Variants in ARMC9 observed in about 807,000 individuals in gnomAD.
The protein encoded by ARMC9 is lisH domain-containing protein ARMC9.
ARMC9 carries 94 observed loss-of-function variants against 107.0 expected under a neutral mutation model. The ratio of observed to expected loss-of-function variants is 0.88; its 90% CI spans 0.74 to 1.04. ARMC9 has a LOEUF of 1.04. Among genes scored for constraint, ARMC9 ranks in the 50% least tolerant of loss-of-function variants. The pLI is 0.00. For missense variants in ARMC9, 942 were observed against 1,030.1 expected, an observed-to-expected ratio of 0.91 and a Z score of 1.17; for synonymous variants, 380 against 396.9, an observed-to-expected ratio of 0.96 and a Z score of 0.51.
At chr2:231,321,180 G>C (rs568534618) in intron 19 of ARMC9, among the ~76,000 whole-genome samples, 1 of 152,266 alleles carries the variant, frequency 6.6e-6, no homozygotes, top group Non-Finnish European at 1.5e-5. Flanking sequence ...CCTGTCAGCT[G>C]TTTTTAACGC....
At chr2:231,217,796 T>C (rs1366679055) in intron 5 of ARMC9, among the ~76,000 whole-genome samples, 2 of 152,134 alleles carry the variant, frequency 1.3e-5, no homozygotes, top group African/African-American at 4.8e-5. Context: ...GTTGAAGCGA[T>C]TCTCTTGCCT....
In ARMC9 at chr2:231,256,567, T is replaced by G; in HGVS notation, c.880-19T>G. On this transcript the variant is annotated intron_variant, in intron 9 of 24. Transcript: ENST00000611582. ...CAGTGTTTAACACCATCTGTTTTCTTCTGTCCTCTTCCCCCCAGGCATCCA... is the reference window on the plus strand; with the variant it reads ...CAGTGTTTAACACCATCTGTTTTCTGCTGTCCTCTTCCCCCCAGGCATCCA... 1 of 1,613,696 alleles carries G rather than the reference T, an allele frequency of 6.2e-7. No homozygotes were observed. The highest frequency in any genetic ancestry group is 8.5e-7 in the Non-Finnish European group (1 of 1,179,642).
chr2:231,314,066 CTTTTTTT>C (rs1302812868), intron 19 of ARMC9, among the ~76,000 whole-genome samples: 73 of 131,526 alleles, frequency 5.6e-4, no homozygotes, highest in African/African-American at 2.0e-3. Flanking sequence ...GCCATCTTTT[CTTTTTTT>C]TTTTTTTTTT....
At position 231,226,796 on chromosome 2, in the gene ARMC9, A is replaced by C; in HGVS notation, c.620A>C (p.Lys207Thr). 2.5e-6 allele frequency: 4 copies of C among 1,613,626 alleles called. No individual in the cohort carries two copies. Among genetic ancestry groups the C allele is most frequent in the Non-Finnish European group, 3.4e-6 (4 of 1,179,526 alleles). ...TIYKENGQSN[K>T]EILQQLHQQL... ...CAGAAGGAGAATGGACAAAGTAACA[A>C]AGGTAAATCATCTAGATTTAAATTT... is the stretch of plus-strand genomic sequence containing the variant. Residue 207 changes from lysine to threonine, a missense_variant and splice_region_variant, in exon 7 of 25, where the codon AAA becomes ACA. Coordinates refer to ENST00000611582, the MANE Select transcript of ARMC9 (RefSeq NM_001352754.2).
intron 23 of ARMC9, among the ~76,000 whole-genome samples, chr2:231,361,101 C>T (rs746203742): frequency 5.2e-4 from 79 of 152,206 alleles, no homozygotes; most frequent in Non-Finnish European, 1.0e-3. Flanking sequence ...ATCAGTCAGA[C>T]GGGAAGGACA....
intron 22 of ARMC9, among the ~76,000 whole-genome samples, chr2:231,359,726 C>T (rs1223417206): frequency 6.6e-6 from 1 of 152,234 alleles, no homozygotes; most frequent in East Asian, 1.9e-4. Context: ...TCTAAGCACA[C>T]TGAGCATGTG....
chr2:231,214,808 G>A (rs1574615038), intron 3 of ARMC9, 23 bp from the exon 4 acceptor site: 2 of 1,609,796 alleles, frequency 1.2e-6, no homozygotes, highest in African/African-American at 1.3e-5. Flanking sequence ...AACGAGGTAT[G>A]TAGTCTGATG....
chr2:231,239,444 C>T (rs1401360297), intron 8 of ARMC9, among the ~76,000 whole-genome samples: 1 of 152,178 alleles, frequency 6.6e-6, no homozygotes, highest in Non-Finnish European at 1.5e-5. Flanking sequence ...AGCCACCTGT[C>T]ATGTGCTAGG....
At chr2:231,342,913 G>C (rs892387098) in intron 20 of ARMC9, among the ~76,000 whole-genome samples, 8 of 151,790 alleles carry the variant, frequency 5.3e-5, no homozygotes, top group African/African-American at 1.9e-4. Flanking sequence ...AGTCAGGGCA[G>C]GGTTTTTTTG....
At chr2:231,338,498 A>T (rs985657557) in intron 20 of ARMC9, among the ~76,000 whole-genome samples, 1 of 142,196 alleles carries the variant, frequency 7.0e-6, no homozygotes, top group Admixed American at 7.0e-5. Context: ...AAGTGTTGGG[A>T]TTACAGGCAT....
At chr2:231,301,551 T>C (rs1044255652) in intron 19 of ARMC9, among the ~76,000 whole-genome samples, 1 of 152,238 alleles carries the variant, frequency 6.6e-6, no homozygotes, top group Non-Finnish European at 1.5e-5. Flanking sequence ...ACATTGTACA[T>C]TTCCAATTTC....
Position 231,271,080 on chromosome 2 carries a change from A to G in ARMC9, c.1210+8A>G, listed in dbSNP as rs756131583. 1 of 1,613,722 alleles carries G rather than the reference A, an allele frequency of 6.2e-7. No homozygotes were observed. The highest frequency in any genetic ancestry group is 1.1e-5 in the South Asian group (1 of 91,058). ...TTGCGTCACTGGCAGAAGGTGAGAC[A>G]TCAGCTTTGCTTCAAAGATAAGAGC... On this transcript the variant is annotated splice_region_variant and intron_variant, in intron 13 of 24. Transcript: ENST00000611582.
chr2:231,247,018 C>T (rs1336901137), intron 9 of ARMC9, among the ~76,000 whole-genome samples: 4 of 151,668 alleles, frequency 2.6e-5, no homozygotes, highest in African/African-American at 2.4e-5. Flanking sequence ...TGCAGTGGCA[C>T]GGTCTTGGCT....
At chr2:231,270,141 A>G (rs1378796509) in intron 12 of ARMC9, among the ~76,000 whole-genome samples, 1 of 152,168 alleles carries the variant, frequency 6.6e-6, no homozygotes, top group Non-Finnish European at 1.5e-5. Flanking sequence ...CTAGAGGGCA[A>G]AGGTCTGGTT....
At chr2:231,302,433 GTTTGTTTTTTTT>G (rs933941366) in intron 19 of ARMC9, among the ~76,000 whole-genome samples, 3 of 96,394 alleles carry the variant, frequency 3.1e-5, no homozygotes, top group Non-Finnish European at 6.3e-5. Flanking sequence ...AGCATTGTGG[GTTTGTTTTTTTT>G]TTTTTTTTTT....
At chr2:231,272,716 A>G (rs1024731095) in intron 13 of ARMC9, among the ~76,000 whole-genome samples, 1 of 148,542 alleles carries the variant, frequency 6.7e-6, no homozygotes, top group South Asian at 2.1e-4. Context: ...GGGTTTCACC[A>G]TGTTGGCCAG....
intron 9 of ARMC9, among the ~76,000 whole-genome samples, chr2:231,242,373 A>G (rs552292841): frequency 3.9e-5 from 6 of 152,194 alleles, no homozygotes; most frequent in African/African-American, 1.4e-4. Context: ...GGACAGACAG[A>G]TGGTAGAAGC....
At chr2:231,226,837 T>G (rs1479610043) in intron 7 of ARMC9, 39 bp downstream of exon 7, 1 of 1,601,240 alleles carries the variant, frequency 6.2e-7, no homozygotes, top group Non-Finnish European at 8.6e-7. Context: ...AGAACAACTT[T>G]GCCAGTTCAG....
chr2:231,301,805 C>T (rs1043916113), intron 19 of ARMC9, among the ~76,000 whole-genome samples: 1 of 151,970 alleles, frequency 6.6e-6, no homozygotes, highest in African/African-American at 2.4e-5. Context: ...ATGGTGAAAC[C>T]CTGTCTCTAC....
Sources: allele counts gnomAD v4.1 joint callset (sites outside exome capture counted in the v4.1 genomes callset), GRCh38; gene constraint gnomAD v4.1.1; transcripts MANE v1.5; gene names NCBI Gene and HGNC (gene_info 2026-07-23, HGNC 2026-07-21).